SOX5: variants seen among roughly 807,000 people sequenced by gnomAD.
SOX5 encodes the protein SRY-box transcription factor 5.
Under a neutral mutation model 92.0 loss-of-function variants are expected in SOX5, and 9 were observed. That is an observed-to-expected ratio of 0.10 (90% confidence interval 0.06 to 0.17). SOX5 has a LOEUF of 0.17. Ranked by LOEUF, SOX5 falls within the 10% of genes least tolerant of loss-of-function variation. The pLI is 1.00. For synonymous variants in SOX5, 344 were observed against 336.3 expected (o/e 1.02, Z -0.25); for missense variants, 642 against 944.5 (o/e 0.68, Z 4.20).
chr12:24,538,361 G>A (rs1951823847), intron 1 of SOX5, among the ~76,000 whole-genome samples: 1 of 152,036 alleles, frequency 6.6e-6, no homozygotes, highest in East Asian at 1.9e-4. Flanking sequence ...ATTCCAGAGG[G>A]AATCACTGAA....
At chr12:24,499,050 C>T (rs1947924515) in intron 1 of SOX5, among the ~76,000 whole-genome samples, 1 of 152,220 alleles carries the variant, frequency 6.6e-6, no homozygotes, top group Non-Finnish European at 1.5e-5. Flanking sequence ...TACATGGGCT[C>T]ATGCTCTCCC....
At chr12:24,210,036 A>G (rs1265537734) in intron 4 of SOX5, among the ~76,000 whole-genome samples, 1 of 150,676 alleles carries the variant, frequency 6.6e-6, no homozygotes, top group Non-Finnish European at 1.5e-5. Flanking sequence ...AAAAAAAAAA[A>G]AAAAAAAAAA....
rs551812345 is a variant in SOX5 at position 24,225,084 on chromosome 12, C to T, written c.-76-11667G>A. Among the ~76,000 whole-genome samples the T allele has an allele frequency of 8.5e-4, 130 of 152,282 alleles. 1 individual carries two copies. The highest frequency in any genetic ancestry group is 2.9e-3 in the African/African-American group (121 of 41,562). On this transcript the variant is annotated intron_variant, in intron 3 of 4. Transcript: ENST00000446891. ...AAGTGCTAGACACACAGTAGGTATC[C>T]ATACATTTTGGTTATATCGAACACA...
At chr12:24,282,012 T>C (rs1178041222) in intron 2 of SOX5, among the ~76,000 whole-genome samples, 3 of 152,188 alleles carry the variant, frequency 2.0e-5, no homozygotes, top group South Asian at 4.1e-4. Flanking sequence ...TTTCAGAGAT[T>C]TGTAAGAATA....
chr12:24,220,557 T>G (rs959006087), intron 3 of SOX5, among the ~76,000 whole-genome samples: 1 of 152,134 alleles, frequency 6.6e-6, no homozygotes, highest in African/African-American at 2.4e-5. Flanking sequence ...AAAACATACA[T>G]AGGTTATATG....
chr12:24,198,466 A>G (rs971340819), intron 4 of SOX5, among the ~76,000 whole-genome samples: 1 of 152,152 alleles, frequency 6.6e-6, no homozygotes, highest in Non-Finnish European at 1.5e-5. Flanking sequence ...AGTTTTAGAG[A>G]ATAACAAAAA....
At chr12:23,568,135 C>T (rs528967612) in intron 10 of SOX5, among the ~76,000 whole-genome samples, 94 of 152,184 alleles carry the variant, frequency 6.2e-4, no homozygotes, top group East Asian at 6.0e-3. Context: ...ATCCAATAAC[C>T]GGTTGCCTTA....
chr12:24,181,730 T>A (rs1955519457), intron 4 of SOX5, among the ~76,000 whole-genome samples: 3 of 152,172 alleles, frequency 2.0e-5, no homozygotes, highest in Non-Finnish European at 4.4e-5. Flanking sequence ...ATATACTGAA[T>A]CCTGTGTTAA....
chr12:23,833,172 A>G (rs2096357719), intron 3 of SOX5, among the ~76,000 whole-genome samples: 1 of 152,018 alleles, frequency 6.6e-6, no homozygotes, highest in Admixed American at 6.6e-5. Context: ...TGAGTCTGGA[A>G]ACTCTGCTAC....
At position 23,531,074 on chromosome 12, in the gene SOX5, A is replaced by G. The variant is rs1938983688; in HGVS notation, c.*3145T>C. ...GTAGTAACACAGTAAGTTGCTATTCATAGCACCTTTTATCAAGTGACTTCA... is the reference window on the plus strand; with the variant it reads ...GTAGTAACACAGTAAGTTGCTATTCGTAGCACCTTTTATCAAGTGACTTCA... On this transcript the variant is annotated 3_prime_UTR_variant, in exon 15 of 15. Coordinates refer to ENST00000451604, the MANE Select transcript of SOX5 (RefSeq NM_006940.6). 6.6e-6 allele frequency: 1 copy of G among 152,176 alleles called. No homozygotes were observed. The highest frequency in any genetic ancestry group is 2.4e-5 in the African/African-American group (1 of 41,440). The allele number at this position is 152,176 out of a possible 1,614,324, so 9.4% of individuals were successfully genotyped here.
At chr12:24,424,535 T>C (rs768431184) in intron 1 of SOX5, among the ~76,000 whole-genome samples, 10 of 152,100 alleles carry the variant, frequency 6.6e-5, no homozygotes, top group African/African-American at 9.7e-5. Flanking sequence ...AACCAACAGC[T>C]TGGGGGCACT....
intron 4 of SOX5, among the ~76,000 whole-genome samples, chr12:23,747,722 G>T (rs1013938916): frequency 6.6e-6 from 1 of 152,032 alleles, no homozygotes. Context: ...TCTAGATGCA[G>T]GTGGGACCCT....
chr12:24,205,580 T>C (rs896137323), intron 4 of SOX5, among the ~76,000 whole-genome samples: 2 of 152,094 alleles, frequency 1.3e-5, no homozygotes, highest in Admixed American at 6.5e-5. Flanking sequence ...CAGAGAGAAA[T>C]AGGAACCTTC....
chr12:24,327,180 A>T (rs1429450835), intron 2 of SOX5, among the ~76,000 whole-genome samples: 1 of 152,084 alleles, frequency 6.6e-6, no homozygotes, highest in Non-Finnish European at 1.5e-5. Flanking sequence ...CTCAGAACTC[A>T]TTTTCTGTTA....
At chr12:23,975,758 G>A (rs375184939) in intron 4 of SOX5, among the ~76,000 whole-genome samples, 3 of 152,152 alleles carry the variant, frequency 2.0e-5, no homozygotes, top group Non-Finnish European at 4.4e-5. Context: ...AATAAAGCAC[G>A]TAGAAGAGTC....
chr12:23,890,557 G>T (rs546673274), intron 2 of SOX5, among the ~76,000 whole-genome samples: 2 of 151,830 alleles, frequency 1.3e-5, no homozygotes, highest in East Asian at 3.9e-4. Flanking sequence ...GCACCAAAAC[G>T]GTCACCAAAA....
At chr12:23,969,935 C>T (rs1431849790) in intron 4 of SOX5, among the ~76,000 whole-genome samples, 1 of 152,080 alleles carries the variant, frequency 6.6e-6, no homozygotes, top group Non-Finnish European at 1.5e-5. Context: ...GCAAGTGTGC[C>T]GGCAAAACTC....
chr12:23,653,887 C>A (rs779112088), intron 7 of SOX5, among the ~76,000 whole-genome samples: 44 of 152,194 alleles, frequency 2.9e-4, no homozygotes, highest in Admixed American at 5.9e-4. Flanking sequence ...ATGTCTTGCT[C>A]ATCTTTAAAT....
chr12:24,313,873 A>AT (rs776755319), intron 2 of SOX5, among the ~76,000 whole-genome samples: 7 of 152,172 alleles, frequency 4.6e-5, no homozygotes, highest in Admixed American at 2.6e-4. Flanking sequence ...AAGCTTATCT[A>AT]TTCTTTACCC....
Sources: gnomAD v4.1 joint callset for allele counts (sites outside exome capture counted in the v4.1 genomes callset) on GRCh38, gnomAD v4.1.1 for gene constraint, MANE v1.5 for transcripts, NCBI Gene and HGNC (gene_info 2026-07-23, HGNC 2026-07-21) for gene names.